The following CCDC141 variants were observed in gnomAD, a reference collection of about 807,000 sequenced individuals.
CCDC141 encodes coiled-coil domain-containing protein 141.
In CCDC141, 168 loss-of-function variants were observed where a neutral mutation model predicts 181.0. The ratio of observed to expected loss-of-function variants is 0.93; its 90% confidence interval spans 0.82 to 1.05. The LOEUF is 1.05. Among genes scored for constraint, CCDC141 ranks in the 50% least tolerant of loss-of-function variants. The pLI, the probability that CCDC141 is intolerant of heterozygous loss-of-function variation, is 0.00. For synonymous variants in CCDC141, 666 were observed against 642.3 expected (o/e 1.04, Z -0.56); for missense variants, 1,902 against 1,788.5 (o/e 1.06, Z -1.14).
intron 2 of CCDC141, among the ~76,000 whole-genome samples, chr2:179,015,420 T>G (rs190508919): frequency 2.8e-5 from 4 of 140,922 alleles, no homozygotes; most frequent in Admixed American, 2.2e-4. Context: ...GTACCATATA[T>G]CTCATATATG....
chr2:178,898,370 C>G (rs1252839860), intron 8 of CCDC141, among the ~76,000 whole-genome samples: 1 of 152,156 alleles, frequency 6.6e-6, no homozygotes, highest in Admixed American at 6.5e-5. Flanking sequence ...CTCCAGCCTC[C>G]AGAATCATAA....
At chr2:178,821,970 T>C in the CCDC141 span, among the ~76,000 whole-genome samples, 8 of 152,208 alleles carry the variant, frequency 5.3e-5, no homozygotes, top group African/African-American at 7.2e-5. Flanking sequence ...ATGTTTATTG[T>C]GGCACTATTC....
At chr2:179,015,930 ATTTCATATATATCATATAT>A (rs1225042410) in intron 2 of CCDC141, among the ~76,000 whole-genome samples, 2 of 125,134 alleles carry the variant, frequency 1.6e-5, no homozygotes, top group Non-Finnish European at 3.5e-5. Flanking sequence ...ATATCATATA[ATTTCATATATATCATATAT>A]ATCTCATATA....
chr2:179,007,599 G>T (rs2042151728), intron 2 of CCDC141, among the ~76,000 whole-genome samples: 1 of 152,044 alleles, frequency 6.6e-6, no homozygotes, highest in East Asian at 1.9e-4. Flanking sequence ...ATGTCTAAAT[G>T]AGATTTTTAT....
At chr2:178,876,618 T>A (rs1206400964) in intron 12 of CCDC141, 1 of 152,188 alleles carries the variant, frequency 6.6e-6, no homozygotes, top group Non-Finnish European at 1.5e-5. Flanking sequence ...TCATGATTAT[T>A]TTAAAAACTG....
intron 4 of CCDC141, among the ~76,000 whole-genome samples, chr2:178,963,794 G>C (rs1211900620): frequency 6.6e-6 from 1 of 152,134 alleles, no homozygotes; most frequent in Non-Finnish European, 1.5e-5. Context: ...ATATTAGCTA[G>C]TAGTATCTGC....
chr2:178,883,324 A>C (rs921858410), intron 11 of CCDC141, among the ~76,000 whole-genome samples: 1 of 152,182 alleles, frequency 6.6e-6, no homozygotes. Context: ...TGAGGGGATG[A>C]ATACACCATT....
At chr2:179,047,600 A>G (rs1329818415) in intron 1 of CCDC141, among the ~76,000 whole-genome samples, 194 bp from the exon 2 acceptor site, 1 of 152,188 alleles carries the variant, frequency 6.6e-6, no homozygotes, top group Non-Finnish European at 1.5e-5. Flanking sequence ...ATATAAATCC[A>G]TGCCCTGTCT....
At chr2:178,828,766 C>A (rs11887804), downstream of CCDC141, among the ~76,000 whole-genome samples, 2,610 of 152,282 alleles carry the variant, frequency 0.017, 58 homozygotes, top group African/African-American at 0.059. Context: ...TGTCTGCCAT[C>A]ATTAGCATAA....
At chr2:178,820,667 T>A in the CCDC141 span, among the ~76,000 whole-genome samples, 27 of 152,212 alleles carry the variant, frequency 1.8e-4, no homozygotes, top group Admixed American at 4.6e-4. Flanking sequence ...AGAATTTTTT[T>A]AAAAAGTTAT....
intron 5 of CCDC141, among the ~76,000 whole-genome samples, chr2:178,958,649 A>G (rs1027546823): frequency 6.6e-6 from 1 of 152,144 alleles, no homozygotes; most frequent in African/African-American, 2.4e-5. Flanking sequence ...GATTTCCTTC[A>G]AGCATGTGGC....
At chr2:178,955,574 A>G (rs1690126679) in intron 5 of CCDC141, among the ~76,000 whole-genome samples, 1 of 152,068 alleles carries the variant, frequency 6.6e-6, no homozygotes, top group African/African-American at 2.4e-5. Flanking sequence ...ATTTTTTTCA[A>G]TGTAACAAAA....
chr2:178,926,851 G>A (rs147921012), intron 6 of CCDC141, among the ~76,000 whole-genome samples: 69 of 152,256 alleles, frequency 4.5e-4, no homozygotes, highest in Middle Eastern at 3.4e-3. Context: ...AGCCCAATCT[G>A]ATATACATAC....
chr2:179,015,085 T>G lies in CCDC141; in HGVS notation c.225+32199A>C, dbSNP rs1232608197. On this transcript the variant is annotated intron_variant, in intron 2 of 23. Transcript: ENST00000443758. ...AGACAGAGATATATATATATATATA[T>G]ATATATATATATATATATAATATAT... Among the ~76,000 whole-genome samples the G allele has an allele frequency of 3.8e-3, 155 of 40,912 alleles. 10 individuals are homozygous for G. The highest frequency in any genetic ancestry group is 0.01 in the African/African-American group (152 of 14,484). The allele number at this position is 40,912 out of a possible 152,430, so 26.8% of individuals were successfully genotyped here. A position where few individuals can be genotyped will look rare whatever the true frequency, so the allele number is the denominator to read the frequency against.
chr2:178,854,803 G>A (rs372042705), intron 19 of CCDC141, among the ~76,000 whole-genome samples: 9 of 152,262 alleles, frequency 5.9e-5, no homozygotes, highest in African/African-American at 1.9e-4. Flanking sequence ...AGAACTTCAA[G>A]TGCAGAATTT....
chr2:178,995,359 A>G (rs1692238605), intron 2 of CCDC141, among the ~76,000 whole-genome samples: 1 of 152,180 alleles, frequency 6.6e-6, no homozygotes, highest in African/African-American at 2.4e-5. Flanking sequence ...TAAAACCATC[A>G]GATCTCATAA....
chr2:178,817,018 A>C, the CCDC141 span, among the ~76,000 whole-genome samples: 2 of 152,188 alleles, frequency 1.3e-5, no homozygotes, highest in African/African-American at 4.8e-5. Context: ...TGTACTTATA[A>C]TTTTACAGTA....
chr2:178,954,826 A>G (rs1320720314), intron 5 of CCDC141, among the ~76,000 whole-genome samples: 4 of 152,092 alleles, frequency 2.6e-5, no homozygotes, highest in Non-Finnish European at 4.4e-5. Context: ...AAAAAAACCA[A>G]AAAACTTTGC....
intron 2 of CCDC141, among the ~76,000 whole-genome samples, chr2:179,035,568 A>G (rs1051159338): frequency 1.3e-5 from 2 of 152,144 alleles, no homozygotes; most frequent in African/African-American, 2.4e-5. Flanking sequence ...GGGAGGCTCA[A>G]CTGGGACTGG....
Sources: gnomAD v4.1 joint callset for allele counts (sites outside exome capture counted in the v4.1 genomes callset) on GRCh38, gnomAD v4.1.1 for gene constraint, MANE v1.5 for transcripts, NCBI Gene and HGNC (gene_info 2026-07-23, HGNC 2026-07-21) for gene names.